SPIDR: variants seen among roughly 807,000 people sequenced by gnomAD.
SPIDR encodes DNA repair-scaffolding protein.
In SPIDR, 93 loss-of-function variants were observed where a neutral mutation model predicts 104.6. The observed-to-expected ratio is 0.89, with a 90% confidence interval of 0.75 to 1.06. The LOEUF (loss-of-function observed/expected upper bound fraction) is 1.06, where lower values mean the gene tolerates loss of function less well. Ranked by LOEUF, SPIDR falls within the 50% of genes least tolerant of loss-of-function variation. The pLI, the probability that SPIDR is intolerant of heterozygous loss-of-function variation, is 0.00. For synonymous variants in SPIDR, 431 were observed against 416.9 expected, an observed-to-expected ratio of 1.03 and a Z score of -0.41; for missense variants, 1,154 against 1,111.2, an observed-to-expected ratio of 1.04 and a Z score of -0.55.
chr8:47,355,459 G>A (rs1456765586), intron 5 of SPIDR, among the ~76,000 whole-genome samples: 3 of 152,082 alleles, frequency 2.0e-5, no homozygotes, highest in Non-Finnish European at 4.4e-5. Context: ...AACCTGAACA[G>A]TGAATGCGTA....
chr8:47,387,607 A>G lies in SPIDR; in HGVS notation c.526-8769A>G, dbSNP rs560564656. On this transcript the variant is annotated intron_variant, in intron 5 of 19. Coordinates refer to ENST00000297423, the MANE Select transcript of SPIDR (RefSeq NM_001080394.4). Reference sequence around the variant, plus strand: ...GATCCAGGTGATACTGAGGCAAACAACTGGTTTTGAGGAACATATCAGGAG... The same window carrying G: ...GATCCAGGTGATACTGAGGCAAACAGCTGGTTTTGAGGAACATATCAGGAG... Among the ~76,000 whole-genome samples, 9 of 152,304 alleles carry G rather than the reference A, an allele frequency of 5.9e-5. No individual in the cohort carries two copies. In the South Asian group the frequency reaches 1.0e-3, roughly 18 times the overall value.
intron 8 of SPIDR, among the ~76,000 whole-genome samples, chr8:47,483,872 C>T (rs972535537): frequency 1.3e-5 from 2 of 151,646 alleles, no homozygotes; most frequent in African/African-American, 4.9e-5. Flanking sequence ...TTCTTAGAAG[C>T]GAGTATGAGA....
chr8:47,269,837 A>G (rs1306321070), intron 1 of SPIDR, among the ~76,000 whole-genome samples: 5 of 152,080 alleles, frequency 3.3e-5, no homozygotes, highest in African/African-American at 9.7e-5. Context: ...ATAACCTTCT[A>G]TATCTAGTTT....
At chr8:47,413,231 A>G (rs1463757279) in intron 7 of SPIDR, among the ~76,000 whole-genome samples, 1 of 152,254 alleles carries the variant, frequency 6.6e-6, no homozygotes, top group African/African-American at 2.4e-5. Flanking sequence ...GTTGACATTC[A>G]TGCAGCGCTT....
chr8:47,713,063 G>A, intron 15 of SPIDR, 191 bp downstream of exon 15: 1 of 1,346,582 alleles, frequency 7.4e-7, no homozygotes, highest in Non-Finnish European at 9.5e-7. Context: ...GGCAGAACCA[G>A]CTCCATGGAG....
At chr8:47,406,891 C>T (rs2062835911) in intron 6 of SPIDR, among the ~76,000 whole-genome samples, 1 of 152,074 alleles carries the variant, frequency 6.6e-6, no homozygotes. Context: ...TTCTTTCAGT[C>T]TCAAAGGGAT....
chr8:47,587,646 A>T (rs1177943774), intron 8 of SPIDR, among the ~76,000 whole-genome samples: 1 of 148,912 alleles, frequency 6.7e-6, no homozygotes, highest in Non-Finnish European at 1.5e-5. Context: ...ACTGGTGCTG[A>T]GCATGGTGGT....
chr8:47,466,948 G>T (rs12547978), intron 8 of SPIDR, among the ~76,000 whole-genome samples: 72,531 of 133,192 alleles, frequency 0.54, 21,833 homozygotes, highest in Admixed American at 0.7. Context: ...TAGATAGATA[G>T]ATATAAAAAA....
At chr8:47,500,087 G>T (rs1368985159) in intron 8 of SPIDR, among the ~76,000 whole-genome samples, 2 of 152,126 alleles carry the variant, frequency 1.3e-5, no homozygotes, top group Non-Finnish European at 2.9e-5. Context: ...ATTGTGAATA[G>T]TGCCACAATA....
chr8:47,331,416 T>C (rs1471999869), intron 5 of SPIDR, among the ~76,000 whole-genome samples: 1 of 152,244 alleles, frequency 6.6e-6, no homozygotes, highest in Non-Finnish European at 1.5e-5. Context: ...CAAACCTTTA[T>C]AGCATTTTAC....
At chr8:47,271,838 A>G (rs2035386131) in intron 1 of SPIDR, among the ~76,000 whole-genome samples, 1 of 152,038 alleles carries the variant, frequency 6.6e-6, no homozygotes, top group Non-Finnish European at 1.5e-5. Context: ...CCCAGGCTGG[A>G]GTGCAATGAC....
chr8:47,274,682 A>G (rs2036020506), intron 1 of SPIDR, among the ~76,000 whole-genome samples: 1 of 150,962 alleles, frequency 6.6e-6, no homozygotes, highest in Admixed American at 6.6e-5. Flanking sequence ...GGTTCAAGCA[A>G]TTTTCTGCCT....
intron 7 of SPIDR, among the ~76,000 whole-genome samples, chr8:47,430,359 A>G (rs897620278): frequency 1.2e-4 from 19 of 152,154 alleles, no homozygotes; most frequent in African/African-American, 4.6e-4. Flanking sequence ...CTGGCTCATC[A>G]TAGGTTTTGC....
intron 8 of SPIDR, among the ~76,000 whole-genome samples, chr8:47,486,860 C>T (rs1028071685): frequency 7.1e-4 from 108 of 152,150 alleles, no homozygotes; most frequent in African/African-American, 2.4e-3. Flanking sequence ...GCACTAAACG[C>T]GGAAAGGAAC....
chr8:47,500,987 G>T (rs2154371078), intron 8 of SPIDR, among the ~76,000 whole-genome samples: 1 of 152,236 alleles, frequency 6.6e-6, no homozygotes, highest in East Asian at 1.9e-4. Context: ...TCTCTGTTCT[G>T]TTCCATTGAT....
At chr8:47,655,676 G>C (rs535481573) in intron 10 of SPIDR, among the ~76,000 whole-genome samples, 1 of 152,168 alleles carries the variant, frequency 6.6e-6, no homozygotes, top group Admixed American at 6.5e-5. Context: ...TCTGTAGGTT[G>C]CCTGTTCACT....
chr8:47,618,897 G>T (rs1218109010), intron 10 of SPIDR, among the ~76,000 whole-genome samples: 1 of 152,164 alleles, frequency 6.6e-6, no homozygotes, highest in Non-Finnish European at 1.5e-5. Flanking sequence ...AATGAACAAG[G>T]TCCAAAACAA....
chr8:47,510,931 G>T (rs2082221253), intron 8 of SPIDR: 1 of 580,294 alleles, frequency 1.7e-6, no homozygotes, highest in East Asian at 2.8e-5. Flanking sequence ...TGTCACACTG[G>T]ACTACTGGTG....
At chr8:47,696,492 CTCTG>C (rs2154481079) in intron 11 of SPIDR, among the ~76,000 whole-genome samples, 1 of 152,274 alleles carries the variant, frequency 6.6e-6, no homozygotes, top group African/African-American at 2.4e-5. Flanking sequence ...AAGTTAATGG[CTCTG>C]TCTTTGTAAA....
Sources: allele counts gnomAD v4.1 joint callset (sites outside exome capture counted in the v4.1 genomes callset), GRCh38; gene constraint gnomAD v4.1.1; transcripts MANE v1.5; gene names NCBI Gene and HGNC (gene_info 2026-07-23, HGNC 2026-07-21).